Variants in ATXN1 observed in about 807,000 individuals in gnomAD.
The protein encoded by ATXN1 is ataxin 1, also known as ataxin-1.
A neutral mutation model predicts 56.4 loss-of-function variants in ATXN1; 8 were observed. The observed-to-expected ratio is 0.14, with a 90% CI of 0.08 to 0.26. ATXN1 has a LOEUF of 0.26. Among genes scored for constraint, ATXN1 ranks in the 10% least tolerant of loss-of-function variants. The probability of loss-of-function intolerance (pLI) is 1.00; values close to 1 mark genes in which losing one functional copy is unlikely to be tolerated. For missense variants in ATXN1, 987 were observed against 1,106.5 expected (o/e 0.89, Z 1.53); for synonymous variants, 514 against 494.6 (o/e 1.04, Z -0.52).
chr6:16,459,631 T>A (rs1759950632), intron 6 of ATXN1, among the ~76,000 whole-genome samples: 1 of 152,198 alleles, frequency 6.6e-6, no homozygotes. Flanking sequence ...GCCTTCTGCG[T>A]TCCTCTGCAC....
chr6:16,438,599 A>G, intron 6 of ATXN1, among the ~76,000 whole-genome samples: 1 of 152,208 alleles, frequency 6.6e-6, no homozygotes, highest in East Asian at 1.9e-4. Context: ...CCTGAAACAT[A>G]CCAAGATATT....
At chr6:16,318,492 C>G (rs572425500) in intron 7 of ATXN1, among the ~76,000 whole-genome samples, 9 of 152,266 alleles carry the variant, frequency 5.9e-5, no homozygotes, top group African/African-American at 1.7e-4. Context: ...TGAAAAAAAT[C>G]AGAAAACCCC....
At chr6:16,653,606 C>T (rs1758123308) in intron 3 of ATXN1, among the ~76,000 whole-genome samples, 1 of 152,218 alleles carries the variant, frequency 6.6e-6, no homozygotes, top group South Asian at 2.1e-4. Context: ...CTGATGTCCC[C>T]ACTATCCCAA....
At chr6:16,561,772 G>T (rs1165259607) in intron 4 of ATXN1, among the ~76,000 whole-genome samples, 1 of 152,158 alleles carries the variant, frequency 6.6e-6, no homozygotes, top group East Asian at 1.9e-4. Context: ...GATGATCCTA[G>T]GTGAAAGAAA....
chr6:16,544,246 C>T (rs1049934460), intron 4 of ATXN1, among the ~76,000 whole-genome samples: 13 of 152,212 alleles, frequency 8.5e-5, no homozygotes, highest in African/African-American at 7.2e-5. Context: ...AATGTGACAA[C>T]GGCCTTCCTT....
chr6:16,541,255 C>T lies in ATXN1; in HGVS notation c.-360-18567G>A, dbSNP rs192300142. On this transcript the variant is annotated intron_variant, in intron 4 of 7. Transcript: ENST00000436367. Reference sequence around the variant, plus strand: ...ACGCAACACTACTAGGACACCTGACCCAGCCCTGAAACTTTGAGAGAGGGT... The same window carrying T: ...ACGCAACACTACTAGGACACCTGACTCAGCCCTGAAACTTTGAGAGAGGGT... Among the ~76,000 whole-genome samples the T allele has an allele frequency of 2.8e-4, 43 of 152,268 alleles. 1 individual carries two copies. Among genetic ancestry groups the T allele is most frequent in the African/African-American group, 1.0e-3 (42 of 41,570 alleles).
chr6:16,583,436 T>C (rs1762562343), intron 4 of ATXN1, among the ~76,000 whole-genome samples: 1 of 152,190 alleles, frequency 6.6e-6, no homozygotes, highest in African/African-American at 2.4e-5. Context: ...CATGCATCTG[T>C]AGGATAAAGC....
At chr6:16,499,222 A>G (rs235156) in intron 5 of ATXN1, among the ~76,000 whole-genome samples, 13,457 of 152,214 alleles carry the variant, frequency 0.088, 1,159 homozygotes, top group African/African-American at 0.2. Flanking sequence ...CATGTGTCCC[A>G]GGTGACTTTT....
At chr6:16,726,111 T>A (rs1203503770) in intron 2 of ATXN1, among the ~76,000 whole-genome samples, 1 of 152,176 alleles carries the variant, frequency 6.6e-6, no homozygotes, top group African/African-American at 2.4e-5. Context: ...CCGGGCACAG[T>A]GGCTCATGCC....
rs1294524626 is a variant in ATXN1, at chr6:16,299,320, C to T, written c.*7009G>A. On this transcript the variant is annotated 3_prime_UTR_variant, in exon 8 of 8. Transcript: ENST00000436367. ...TTCAATAAACAGACTCGAGTGTATCCTACAAATAGACACACCACGATTAGA... is the reference window on the plus strand; with the variant it reads ...TTCAATAAACAGACTCGAGTGTATCTTACAAATAGACACACCACGATTAGA... The T allele has an allele frequency of 6.6e-6, 1 of 152,458 alleles. No individual in the cohort carries two copies. The highest frequency in any genetic ancestry group is 1.5e-5 in the Non-Finnish European group (1 of 68,004). 9.4% of individuals were successfully genotyped at this position (152,458 alleles called of 1,614,324 possible).
At chr6:16,358,658 T>C (rs550917942) in intron 6 of ATXN1, among the ~76,000 whole-genome samples, 5 of 152,222 alleles carry the variant, frequency 3.3e-5, no homozygotes, top group African/African-American at 1.2e-4. Flanking sequence ...TCATTCCGAG[T>C]TGGGATGGGA....
intron 2 of ATXN1, among the ~76,000 whole-genome samples, chr6:16,660,087 A>T (rs1037181580): frequency 6.6e-6 from 1 of 152,246 alleles, no homozygotes; most frequent in Non-Finnish European, 1.5e-5. Flanking sequence ...GGCAACTCTT[A>T]TCAAAAGAAA....
intron 5 of ATXN1, among the ~76,000 whole-genome samples, chr6:16,517,672 G>T (rs993393818): frequency 1.3e-5 from 2 of 152,140 alleles, no homozygotes; most frequent in African/African-American, 4.8e-5. Flanking sequence ...CAGAGAGAGA[G>T]AGAACACAAG....
chr6:16,634,131 T>C (rs1252926185), intron 3 of ATXN1, among the ~76,000 whole-genome samples: 3 of 152,348 alleles, frequency 2.0e-5, no homozygotes, highest in Admixed American at 6.5e-5. Flanking sequence ...GTCTTCTTTA[T>C]ACAATCACTA....
chr6:16,436,554 A>C (rs960051445), intron 6 of ATXN1, among the ~76,000 whole-genome samples: 1 of 152,164 alleles, frequency 6.6e-6, no homozygotes, highest in Non-Finnish European at 1.5e-5. Context: ...AGCCTGAAGA[A>C]AGGGAAATAG....
At chr6:16,508,761 C>G (rs1252575720) in intron 5 of ATXN1, among the ~76,000 whole-genome samples, 3 of 152,160 alleles carry the variant, frequency 2.0e-5, no homozygotes, top group Non-Finnish European at 4.4e-5. Context: ...TCCAGCAATT[C>G]CATTTCCAGG....
intron 3 of ATXN1, among the ~76,000 whole-genome samples, chr6:16,635,788 T>C (rs1763585157): frequency 6.6e-6 from 1 of 152,126 alleles, no homozygotes; most frequent in African/African-American, 2.4e-5. Flanking sequence ...AAAAGCATCC[T>C]GAAAACATGA....
At chr6:16,348,187 C>G (rs1290731568) in intron 6 of ATXN1, among the ~76,000 whole-genome samples, 1 of 152,166 alleles carries the variant, frequency 6.6e-6, no homozygotes, top group Admixed American at 6.5e-5. Context: ...CCTCAGCTTC[C>G]TTAGTAGCTG....
At chr6:16,307,161 A>G (rs961400706) in intron 7 of ATXN1, among the ~76,000 whole-genome samples, 2 of 152,236 alleles carry the variant, frequency 1.3e-5, no homozygotes, top group African/African-American at 4.8e-5. Flanking sequence ...GAACCAGTCA[A>G]TCGAACCCCA....
Sources: allele counts gnomAD v4.1 joint callset (sites outside exome capture counted in the v4.1 genomes callset), GRCh38; gene constraint gnomAD v4.1.1; transcripts MANE v1.5; gene names NCBI Gene and HGNC (gene_info 2026-07-23, HGNC 2026-07-21).